The following SP4 variants were observed in gnomAD, a reference collection of about 807,000 sequenced individuals.
The protein encoded by SP4 is transcription factor Sp4.
Under a neutral mutation model 72.8 loss-of-function variants are expected in SP4, and 19 were observed. The observed-to-expected ratio is 0.26, with a 90% confidence interval of 0.18 to 0.38. The LOEUF (loss-of-function observed/expected upper bound fraction) is 0.38. Ranked by LOEUF, SP4 falls within the 10% of genes least tolerant of loss-of-function variation. SP4 has a pLI of 1.00. For synonymous variants in SP4, 395 were observed against 333.1 expected, an observed-to-expected ratio of 1.19 and a Z score of -2.02; for missense variants, 1,008 against 926.3, an observed-to-expected ratio of 1.09 and a Z score of -1.14.
intron 5 of SP4, chr7:21,482,745 A>AATT: frequency 1.0e-6 from 1 of 980,922 alleles, no homozygotes. Context: ...TCTACATAAA[A>AATT]AATGTTTTGT....
intron 3 of SP4, among the ~76,000 whole-genome samples, chr7:21,450,574 C>T (rs2044952419): frequency 6.6e-6 from 1 of 152,034 alleles, no homozygotes; most frequent in Non-Finnish European, 1.5e-5. Context: ...GATAGTTCTC[C>T]ATTTCCTCAG....
At chr7:21,475,136 C>CA (rs1172661040) in intron 3 of SP4, among the ~76,000 whole-genome samples, 1 of 149,790 alleles carries the variant, frequency 6.7e-6, no homozygotes, top group East Asian at 2.0e-4. Flanking sequence ...TTTTTTGAGA[C>CA]AGAGTCTCAC....
intron 3 of SP4, among the ~76,000 whole-genome samples, chr7:21,461,196 G>A (rs541919051): frequency 5.9e-5 from 9 of 152,298 alleles, no homozygotes; most frequent in East Asian, 1.9e-4. Flanking sequence ...CCATGCGCCC[G>A]CACTCCTCAG....
intron 5 of SP4, among the ~76,000 whole-genome samples, chr7:21,501,816 C>T (rs902623231): frequency 6.6e-6 from 1 of 152,198 alleles, no homozygotes; most frequent in Non-Finnish European, 1.5e-5. Flanking sequence ...CCCCCTTTTT[C>T]TGCTAGTATC....
intron 3 of SP4, among the ~76,000 whole-genome samples, chr7:21,448,837 C>A (rs1783502326): frequency 6.6e-6 from 1 of 152,164 alleles, no homozygotes; most frequent in African/African-American, 2.4e-5. Flanking sequence ...TATAACAATG[C>A]TGGTATATAG....
chr7:21,505,314 T>A (rs1419409008), intron 5 of SP4, among the ~76,000 whole-genome samples: 1 of 152,188 alleles, frequency 6.6e-6, no homozygotes, highest in African/African-American at 2.4e-5. Flanking sequence ...CTGCAGTTTG[T>A]TCTTAGATAC....
At chr7:21,459,346 C>G (rs1200445165) in intron 3 of SP4, among the ~76,000 whole-genome samples, 1 of 152,146 alleles carries the variant, frequency 6.6e-6, no homozygotes. Flanking sequence ...GTATCGATCT[C>G]CTGACCTTGT....
Position 21,436,055 on chromosome 7 carries a change from C to T in SP4, c.1678+5212C>T, listed in dbSNP as rs189227428. Among the ~76,000 whole-genome samples, 116 of 152,176 alleles carry T rather than the reference C, an allele frequency of 7.6e-4. 1 individual carries two copies. The highest frequency in any genetic ancestry group is 2.3e-3 in the African/African-American group (96 of 41,520). ...CAGGGACTACAGGCACATGTCACCACGCCTGGCTAATTTTTGTATTTTTAG... is the reference window on the plus strand; with the variant it reads ...CAGGGACTACAGGCACATGTCACCATGCCTGGCTAATTTTTGTATTTTTAG... On this transcript the variant is annotated intron_variant, in intron 3 of 5. Coordinates refer to ENST00000222584, the MANE Select transcript of SP4 (RefSeq NM_003112.5).
chr7:21,444,843 A>G (rs1783372287), intron 3 of SP4, among the ~76,000 whole-genome samples: 1 of 152,122 alleles, frequency 6.6e-6, no homozygotes, highest in Non-Finnish European at 1.5e-5. Context: ...GGTGAATAGG[A>G]CTGTAATCTC....
chr7:21,482,895 A>G (rs1430689323), intron 5 of SP4: 8 of 273,744 alleles, frequency 2.9e-5, no homozygotes, highest in East Asian at 1.8e-4. Context: ...CTACCACACT[A>G]TATTAATTCA....
intron 2 of SP4, 29 bp from the exon 3 acceptor site, chr7:21,429,260 C>G (rs199562548): frequency 4.1e-5 from 49 of 1,209,130 alleles, no homozygotes; most frequent in African/African-American, 1.3e-4. Flanking sequence ...TTCCCCCCCC[C>G]CTCTCCTTTA....
At chr7:21,434,615 TA>T (rs937882037) in intron 3 of SP4, among the ~76,000 whole-genome samples, 11 of 152,044 alleles carry the variant, frequency 7.2e-5, no homozygotes, top group South Asian at 2.1e-4. Flanking sequence ...CTTTTACTTT[TA>T]AAAAAAATAG....
chr7:21,453,356 A>T (rs1242262887), intron 3 of SP4, among the ~76,000 whole-genome samples: 1 of 152,202 alleles, frequency 6.6e-6, no homozygotes, highest in Non-Finnish European at 1.5e-5. Flanking sequence ...TTTAAAGAGG[A>T]TTAAAACAAG....
chr7:21,498,114 C>A (rs924241003), intron 5 of SP4, among the ~76,000 whole-genome samples: 7 of 152,144 alleles, frequency 4.6e-5, no homozygotes, highest in African/African-American at 1.7e-4. Flanking sequence ...CTTATTACAA[C>A]CAGCCCTCCT....
rs771430285 is a variant in SP4, at chr7:21,428,219, T to C, written c.-33T>C. On this transcript the variant is annotated 5_prime_UTR_variant, in exon 1 of 6. Coordinates refer to ENST00000222584, the MANE Select transcript of SP4 (RefSeq NM_003112.5). Reference sequence around the variant, plus strand: ...ACCCCCACCCACCTCTATCCCAGTGTCTCCGTCTGAGGGTTTGTCCTGTTA... The same window carrying C: ...ACCCCCACCCACCTCTATCCCAGTGCCTCCGTCTGAGGGTTTGTCCTGTTA... 3 of 1,054,328 alleles carry C rather than the reference T, an allele frequency of 2.8e-6. No individual in the cohort carries two copies. The highest frequency in any genetic ancestry group is 5.3e-5 in the East Asian group (1 of 18,960). The allele number at this position is 1,054,328 out of a possible 1,614,324, so 65.3% of individuals were successfully genotyped here.
chr7:21,467,959 G>A (rs1275814513), intron 3 of SP4, among the ~76,000 whole-genome samples: 1 of 152,076 alleles, frequency 6.6e-6, no homozygotes, highest in African/African-American at 2.4e-5. Flanking sequence ...GTCAATTTCA[G>A]TTTATTGGTT....
At chr7:21,504,738 T>C (rs947911865) in intron 5 of SP4, among the ~76,000 whole-genome samples, 2 of 152,244 alleles carry the variant, frequency 1.3e-5, no homozygotes, top group Admixed American at 6.5e-5. Flanking sequence ...GTGTTCAAAC[T>C]ATCTCCCGGC....
intron 1 of SP4, 46 bp downstream of exon 1, chr7:21,428,304 C>CT: frequency 9.7e-7 from 1 of 1,035,410 alleles, no homozygotes; most frequent in Non-Finnish European, 1.5e-6. Context: ...GCCTCCCTCT[C>CT]TCCCTCCCTC....
chr7:21,465,959 T>C (rs558450097), intron 3 of SP4, among the ~76,000 whole-genome samples: 106 of 152,304 alleles, frequency 7.0e-4, no homozygotes, highest in African/African-American at 2.5e-3. Flanking sequence ...TCCAGTGGTA[T>C]GCTGTCTCAG....
Sources: gnomAD v4.1 joint callset for allele counts (sites outside exome capture counted in the v4.1 genomes callset) on GRCh38, gnomAD v4.1.1 for gene constraint, MANE v1.5 for transcripts, NCBI Gene and HGNC (gene_info 2026-07-23, HGNC 2026-07-21) for gene names.